The following ARHGAP24 variants were observed in gnomAD, a reference collection of about 807,000 sequenced individuals.
ARHGAP24 encodes the protein Rho GTPase activating protein 24.
A neutral mutation model predicts 76.4 loss-of-function variants in ARHGAP24; 50 were observed. That is an observed-to-expected ratio of 0.65 (90% CI 0.52 to 0.83). ARHGAP24 has a LOEUF of 0.83. ARHGAP24 is among the 40% of genes least tolerant of loss of function. The pLI is 0.00. For synonymous variants in ARHGAP24, 345 were observed against 323.3 expected, an observed-to-expected ratio of 1.07 and a Z score of -0.72; for missense variants, 930 against 914.2, an observed-to-expected ratio of 1.02 and a Z score of -0.22.
intron 3 of ARHGAP24, among the ~76,000 whole-genome samples, chr4:85,808,381 T>C (rs1728879290): frequency 6.6e-6 from 1 of 152,230 alleles, no homozygotes; most frequent in African/African-American, 2.4e-5. Flanking sequence ...TTAACCTTTT[T>C]TTTCTTTTTG....
rs983353797 is a variant in ARHGAP24, at chr4:85,490,697, A to G, written c.-21+15138A>G. 4.6e-5 allele frequency among the ~76,000 whole-genome samples: 7 copies of G among 152,224 alleles called. 1 individual carries two copies. The highest frequency in any genetic ancestry group is 1.7e-4 in the African/African-American group (7 of 41,462). ...TTAATTAGCCCTAGCTCTTATTAGA[A>G]TGATGCATTTACCTCTTGCAGGTCT... On this transcript the variant is annotated intron_variant, in intron 1 of 9. Transcript: ENST00000395184.
chr4:85,943,480 T>C (rs544444852), intron 5 of ARHGAP24, among the ~76,000 whole-genome samples: 1 of 152,222 alleles, frequency 6.6e-6, no homozygotes, highest in African/African-American at 2.4e-5. Context: ...TTTATTATTC[T>C]TTAAGTTCTG....
chr4:85,886,730 A>G (rs1217032668), intron 3 of ARHGAP24, among the ~76,000 whole-genome samples: 1 of 152,206 alleles, frequency 6.6e-6, no homozygotes, highest in Non-Finnish European at 1.5e-5. Flanking sequence ...TAATGATGCT[A>G]GATCATATCC....
intron 2 of ARHGAP24, among the ~76,000 whole-genome samples, chr4:85,631,605 A>G (rs1341331979): frequency 6.6e-6 from 1 of 152,142 alleles, no homozygotes; most frequent in East Asian, 1.9e-4. Flanking sequence ...TTTTAAATAG[A>G]TTCAATGTTC....
At chr4:85,812,056 G>T (rs971207265) in intron 3 of ARHGAP24, among the ~76,000 whole-genome samples, 3 of 152,144 alleles carry the variant, frequency 2.0e-5, no homozygotes, top group East Asian at 1.9e-4. Flanking sequence ...CACACCTGTA[G>T]TCCCAGCTAC....
rs1053311740 is a variant in ARHGAP24 at position 85,956,712 on chromosome 4, C to T, written c.599+14439C>T. ...ATGCAGAACAATGGCAAGCCTTTAG[C>T]CCGATCGGGAGGGGCAATGGACGCC... On this transcript the variant is annotated intron_variant, in intron 5 of 9. Transcript: ENST00000395184. Among the ~76,000 whole-genome samples, 6 of 152,196 alleles carry T rather than the reference C, an allele frequency of 3.9e-5. No homozygotes were observed. The South Asian group carries it at 6.2e-4, about 16-fold the overall frequency.
intron 2 of ARHGAP24, among the ~76,000 whole-genome samples, chr4:85,578,158 G>A (rs1727463563): frequency 6.6e-6 from 1 of 152,138 alleles, no homozygotes; most frequent in South Asian, 2.1e-4. Context: ...AAGGCATTCC[G>A]TGGCAGTCCT....
At chr4:85,974,997 A>G (rs1248706892) in intron 7 of ARHGAP24, 36 bp downstream of exon 7, 33 of 1,572,386 alleles carry the variant, frequency 2.1e-5, no homozygotes, top group Non-Finnish European at 2.6e-5. Flanking sequence ...TAAACAAGAC[A>G]AGACATATTT....
intron 5 of ARHGAP24, among the ~76,000 whole-genome samples, chr4:85,966,200 G>A (rs778948982): frequency 2.6e-5 from 4 of 152,190 alleles, no homozygotes; most frequent in Admixed American, 6.5e-5. Context: ...GGCCAGGGCC[G>A]CACCCTCATG....
At chr4:85,750,589 C>T (rs535527142) in intron 3 of ARHGAP24, among the ~76,000 whole-genome samples, 7 of 149,322 alleles carry the variant, frequency 4.7e-5, no homozygotes, top group African/African-American at 1.7e-4. Flanking sequence ...TCTGCCTCCC[C>T]GGCTCAAGCA....
At chr4:85,613,183 T>C (rs571163962) in intron 2 of ARHGAP24, among the ~76,000 whole-genome samples, 4 of 152,292 alleles carry the variant, frequency 2.6e-5, no homozygotes, top group East Asian at 1.9e-4. Flanking sequence ...TATATGTATA[T>C]CCATAAACAA....
At chr4:85,499,868 A>C (rs1723734111) in intron 1 of ARHGAP24, among the ~76,000 whole-genome samples, 1 of 152,210 alleles carries the variant, frequency 6.6e-6, no homozygotes, top group South Asian at 2.1e-4. Context: ...ATGAACTTAT[A>C]TTTAAGTTTA....
chr4:85,534,286 CCTTTGACA>C (rs140782691), intron 1 of ARHGAP24, among the ~76,000 whole-genome samples: 31,948 of 151,932 alleles, frequency 0.21, 4,221 homozygotes, highest in Non-Finnish European at 0.3. Context: ...GCCCTCTGTT[CCTTTGACA>C]CTTGATCCTC....
At chr4:85,964,132 G>A (rs895608781) in intron 5 of ARHGAP24, among the ~76,000 whole-genome samples, 3 of 152,020 alleles carry the variant, frequency 2.0e-5, no homozygotes, top group Non-Finnish European at 4.4e-5. Flanking sequence ...TATGAACCAG[G>A]CATTTGTATT....
intron 3 of ARHGAP24, among the ~76,000 whole-genome samples, chr4:85,881,641 T>TG (rs11432734): frequency 0.88 from 133,752 of 151,906 alleles, 58,978 homozygotes; most frequent in East Asian, 0.99. Context: ...TTTTGTTATC[T>TG]GGGGAAACCA....
intron 3 of ARHGAP24, among the ~76,000 whole-genome samples, chr4:85,851,790 G>T (rs1433672913): frequency 6.6e-6 from 1 of 152,184 alleles, no homozygotes; most frequent in Non-Finnish European, 1.5e-5. Flanking sequence ...ACTCTCATCT[G>T]GCTTGTAGGG....
chr4:85,671,528 C>T (rs1356064370), intron 2 of ARHGAP24, among the ~76,000 whole-genome samples: 8 of 152,038 alleles, frequency 5.3e-5, no homozygotes, highest in Non-Finnish European at 1.0e-4. Context: ...AGTGATTCAA[C>T]AAAGTTTGTG....
chr4:85,498,984 A>G (rs1401058526), intron 1 of ARHGAP24, among the ~76,000 whole-genome samples: 1 of 152,210 alleles, frequency 6.6e-6, no homozygotes, highest in African/African-American at 2.4e-5. Flanking sequence ...AACTAGTGTC[A>G]TCCATGAGAT....
intron 2 of ARHGAP24, among the ~76,000 whole-genome samples, chr4:85,571,758 TA>T (rs1417606815): frequency 6.6e-6 from 1 of 152,196 alleles, no homozygotes; most frequent in Non-Finnish European, 1.5e-5. Flanking sequence ...GACATCAGGC[TA>T]AAAATTACAT....
Sources: gnomAD v4.1 joint callset for allele counts (sites outside exome capture counted in the v4.1 genomes callset) on GRCh38, gnomAD v4.1.1 for gene constraint, MANE v1.5 for transcripts, NCBI Gene and HGNC (gene_info 2026-07-23, HGNC 2026-07-21) for gene names.